Variants in MYZAP observed in about 807,000 individuals in gnomAD.
The protein encoded by MYZAP is GRINL1A complex locus upstream.
A neutral mutation model predicts 69.4 loss-of-function variants in MYZAP; 66 were observed. The ratio of observed to expected loss-of-function variants is 0.95; its 90% CI spans 0.78 to 1.17. The LOEUF (loss-of-function observed/expected upper bound fraction) is 1.17. Among genes scored for constraint, MYZAP ranks in the 50% most tolerant of loss-of-function variants. The pLI, the probability that MYZAP is intolerant of heterozygous loss-of-function variation, is 0.00. For missense variants in MYZAP, 611 were observed against 556.2 expected (o/e 1.10, Z -0.99); for synonymous variants, 256 against 205.9 (o/e 1.24, Z -2.09).
At chr15:57,599,725 T>C in intron 1 of MYZAP, 1 of 1,287,170 alleles carries the variant, frequency 7.8e-7, no homozygotes, top group Non-Finnish European at 1.0e-6. Context: ...TGCCTTGATG[T>C]TACTCGGGGA....
chr15:57,623,150 A>G (rs1423401735), intron 4 of MYZAP, among the ~76,000 whole-genome samples: 2 of 152,208 alleles, frequency 1.3e-5, no homozygotes, highest in African/African-American at 4.8e-5. Flanking sequence ...TATAATTTTT[A>G]TCTATTAGAC....
intron 2 of MYZAP, among the ~76,000 whole-genome samples, chr15:57,608,636 T>C (rs1339683532): frequency 6.6e-6 from 1 of 152,202 alleles, no homozygotes; most frequent in Admixed American, 6.5e-5. Context: ...AAATTGTAAA[T>C]AAGCTAATAT....
At chr15:57,609,202 G>T (rs1173926411) in intron 2 of MYZAP, among the ~76,000 whole-genome samples, 1 of 152,186 alleles carries the variant, frequency 6.6e-6, no homozygotes, top group Admixed American at 6.5e-5. Flanking sequence ...GCACATAGTA[G>T]GTGCTTAATG....
At chr15:57,632,628 A>C in intron 7 of MYZAP, 69 bp downstream of exon 7, 1 of 1,590,564 alleles carries the variant, frequency 6.3e-7, no homozygotes, top group Admixed American at 1.7e-5. Context: ...GGTGATGTAT[A>C]CGTAGTAGTG....
In MYZAP at chr15:57,592,059, A is replaced by G. The variant is rs1429746105; in HGVS notation, c.25A>G (p.Thr9Ala). MLRSTSTV[T>A]LLSGGAARTP... The stretch of plus-strand genomic sequence containing the variant: ...GATGCTGCGCTCCACGTCCACGGTC[A>G]CCCTGCTCTCGGGCGGCGCCGCCAG... Residue 9 changes from threonine (T) to alanine (A), a missense_variant, in exon 1 of 13, where the codon ACC becomes GCC. Coordinates refer to ENST00000267853, the MANE Select transcript of MYZAP (RefSeq NM_001018100.5). 3.5e-6 allele frequency: 5 copies of G among 1,412,670 alleles called. No homozygotes were observed. In the South Asian group the frequency reaches 5.9e-5, roughly 17 times the overall value. The allele number at this position is 1,412,670 out of a possible 1,614,324, so 87.5% of individuals were successfully genotyped here. A position where few individuals can be genotyped will look rare whatever the true frequency, so the allele number is the denominator to read the frequency against.
chr15:57,653,402 C>G (rs1317688646), intron 10 of MYZAP, among the ~76,000 whole-genome samples: 1 of 152,056 alleles, frequency 6.6e-6, no homozygotes, highest in Non-Finnish European at 1.5e-5. Context: ...CTAGAGCTCA[C>G]TCAGGCTTCA....
intron 3 of MYZAP, among the ~76,000 whole-genome samples, chr15:57,621,036 C>T (rs2035773272): frequency 6.9e-6 from 1 of 145,132 alleles, no homozygotes; most frequent in Admixed American, 6.9e-5. Flanking sequence ...TAATATATGC[C>T]TATATATTTT....
At chr15:57,616,905 G>T (rs1399018032) in intron 2 of MYZAP, among the ~76,000 whole-genome samples, 1 of 136,156 alleles carries the variant, frequency 7.3e-6, no homozygotes, top group Admixed American at 8.3e-5. Context: ...CAGGACAGCA[G>T]AATTACCTTT....
intron 2 of MYZAP, among the ~76,000 whole-genome samples, chr15:57,615,941 T>C (rs142136344): frequency 4.0e-4 from 56 of 138,484 alleles, no homozygotes; most frequent in Admixed American, 1.1e-3. Flanking sequence ...TTTAAAAAGA[T>C]TACATTGAAA....
At chr15:57,603,874 G>A (rs1042052358) in intron 1 of MYZAP, among the ~76,000 whole-genome samples, 1 of 152,144 alleles carries the variant, frequency 6.6e-6, no homozygotes, top group African/African-American at 2.4e-5. Context: ...ATATAGGCAA[G>A]TAGAAAGCAC....
At chr15:57,649,656 T>G (rs2037628859) in intron 10 of MYZAP, among the ~76,000 whole-genome samples, 2 of 152,214 alleles carry the variant, frequency 1.3e-5, no homozygotes, top group Admixed American at 1.3e-4. Flanking sequence ...CAATGTTTTT[T>G]GTTTGTGATA....
intron 10 of MYZAP, chr15:57,647,207 G>T: frequency 1.0e-6 from 1 of 985,372 alleles, no homozygotes; most frequent in Non-Finnish European, 1.2e-6. Context: ...AGGAGGGAGG[G>T]GATGGGAAAG....
chr15:57,664,117 C>T (rs910139822), intron 11 of MYZAP, among the ~76,000 whole-genome samples: 1 of 144,208 alleles, frequency 6.9e-6, no homozygotes, highest in Non-Finnish European at 1.5e-5. Context: ...TTACTTCTTT[C>T]AATATTTTCT....
chr15:57,665,332 A>G (rs1321108595), intron 11 of MYZAP, among the ~76,000 whole-genome samples: 3 of 152,216 alleles, frequency 2.0e-5, no homozygotes, highest in African/African-American at 7.2e-5. Flanking sequence ...TGGCCCCGAT[A>G]TTTGCAGAAT....
At chr15:57,637,938 C>T (rs2036911634) in intron 9 of MYZAP, among the ~76,000 whole-genome samples, 164 bp downstream of exon 9, 1 of 152,120 alleles carries the variant, frequency 6.6e-6, no homozygotes, top group Admixed American at 6.6e-5. Flanking sequence ...GAACAAGTTT[C>T]TTTGGAAGCC....
intron 1 of MYZAP, among the ~76,000 whole-genome samples, chr15:57,599,062 G>C (rs1248112539): frequency 6.6e-6 from 1 of 152,158 alleles, no homozygotes; most frequent in East Asian, 1.9e-4. Flanking sequence ...ATTGTCCTAA[G>C]CTCTTTACAC....
chr15:57,601,294 G>GTGTGTGTA (rs1207363987), intron 1 of MYZAP, among the ~76,000 whole-genome samples: 10 of 151,764 alleles, frequency 6.6e-5, no homozygotes, highest in Admixed American at 2.0e-4. Flanking sequence ...GTGTGTGTGT[G>GTGTGTGTA]TGTGTGATGT....
At position 57,632,430 on chromosome 15, in the gene MYZAP, G is replaced by A; in HGVS notation, c.679-4G>A. On this transcript the variant is annotated splice_polypyrimidine_tract_variant and splice_region_variant and intron_variant, in intron 6 of 12. Coordinates refer to ENST00000267853, the MANE Select transcript of MYZAP (RefSeq NM_001018100.5). The stretch of plus-strand genomic sequence containing the variant: ...CTGTCGTTCTGAAATGAGTCTCGTT[G>A]TAGGTGGAATCGTCCCAAGAAGCCA... The A allele has an allele frequency of 6.2e-7, 1 of 1,614,094 alleles. No individual in the cohort carries two copies. Among genetic ancestry groups the A allele is most frequent in the Non-Finnish European group, 8.5e-7 (1 of 1,179,990 alleles).
At chr15:57,616,989 C>T (rs1416657347) in intron 2 of MYZAP, among the ~76,000 whole-genome samples, 1 of 151,718 alleles carries the variant, frequency 6.6e-6, no homozygotes. Flanking sequence ...GAGAGAAGGT[C>T]AGTTTGTCTG....
Sources: gnomAD v4.1 joint callset for allele counts (sites outside exome capture counted in the v4.1 genomes callset) on GRCh38, gnomAD v4.1.1 for gene constraint, MANE v1.5 for transcripts, NCBI Gene and HGNC (gene_info 2026-07-23, HGNC 2026-07-21) for gene names.